Variants in CDK13 observed in about 807,000 individuals in gnomAD.
CDK13 encodes cyclin-dependent kinase 13.
In CDK13, 40 loss-of-function variants were observed where a neutral mutation model predicts 137.6. The observed-to-expected ratio is 0.29, with a 90% confidence interval of 0.23 to 0.38. The LOEUF is 0.38. Ranked by LOEUF, CDK13 falls within the 10% of genes least tolerant of loss-of-function variation. The probability of loss-of-function intolerance (pLI) is 1.00; values close to 1 mark genes in which losing one functional copy is unlikely to be tolerated. For missense variants in CDK13, 1,704 were observed against 1,951.8 expected (o/e 0.87, Z 2.39); for synonymous variants, 869 against 760.1 (o/e 1.14, Z -2.36).
Position 40,099,320 on chromosome 7 carries a change from T to G in CDK13, c.*4340T>G, listed in dbSNP as rs965999650. 7 of 152,168 alleles carry G rather than the reference T, an allele frequency of 4.6e-5. No individual in the cohort carries two copies. Among genetic ancestry groups the G allele is most frequent in the Admixed American group, 3.3e-4 (5 of 15,270 alleles). 9.4% of individuals were successfully genotyped at this position (152,168 alleles called of 1,614,324 possible). A position where few individuals can be genotyped will look rare whatever the true frequency, so the allele number is the denominator to read the frequency against. On this transcript the variant is annotated 3_prime_UTR_variant, in exon 14 of 14. Transcript: ENST00000181839. ...ACTAACAGAGTCTGCAGGTCTTAAC[T>G]CATTTCAGCCTGTCAAATGTGCAAT... is the stretch of plus-strand genomic sequence containing the variant.
chr7:40,003,184 ACACACACACACACACACACACACTCTCT>A (rs1163708274), intron 5 of CDK13, among the ~76,000 whole-genome samples: 12 of 96,154 alleles, frequency 1.2e-4, no homozygotes, highest in Admixed American at 2.2e-4. Context: ...ACACACACAC[ACACACACACACACACACACACACTCTCT>A]CTCTCTCTCT....
intron 1 of CDK13, among the ~76,000 whole-genome samples, chr7:39,979,736 A>G (rs1583937609): frequency 6.6e-6 from 1 of 152,314 alleles, no homozygotes; most frequent in East Asian, 1.9e-4. Flanking sequence ...GATTAAATTA[A>G]GTATGTTGAT....
At chr7:40,065,190 A>G (rs572019446) in intron 9 of CDK13, among the ~76,000 whole-genome samples, 177 of 152,132 alleles carry the variant, frequency 1.2e-3, no homozygotes, top group Non-Finnish European at 1.9e-3. Flanking sequence ...AAAGTTAGTT[A>G]TATATTAATA....
intron 11 of CDK13, among the ~76,000 whole-genome samples, chr7:40,084,069 T>G (rs553827685): frequency 6.6e-6 from 1 of 152,256 alleles, no homozygotes; most frequent in African/African-American, 2.4e-5. Flanking sequence ...CTGGGCACGG[T>G]GGCAGTGGCT....
intron 5 of CDK13, among the ~76,000 whole-genome samples, chr7:40,028,202 C>T (rs1785286234): frequency 6.8e-6 from 1 of 147,954 alleles, no homozygotes; most frequent in Admixed American, 6.7e-5. Context: ...CCCAGGATCT[C>T]AGATGCTTGA....
At chr7:39,990,480 C>G (rs939148727) in intron 2 of CDK13, among the ~76,000 whole-genome samples, 1 of 152,008 alleles carries the variant, frequency 6.6e-6, no homozygotes, top group Non-Finnish European at 1.5e-5. Flanking sequence ...TATTGTTTTA[C>G]TTTTTATAAA....
At chr7:40,023,371 T>C (rs1161585719) in intron 5 of CDK13, among the ~76,000 whole-genome samples, 2 of 152,132 alleles carry the variant, frequency 1.3e-5, no homozygotes, top group Non-Finnish European at 2.9e-5. Flanking sequence ...TGCAAACTTC[T>C]GATTATACAT....
intron 10 of CDK13, 118 bp from the exon 11 acceptor site, chr7:40,078,602 A>AT (rs1786596859): frequency 2.1e-6 from 1 of 470,854 alleles, no homozygotes; most frequent in African/African-American, 2.0e-5. Flanking sequence ...ATTTACAATT[A>AT]TTTTTAAATG....
chr7:39,998,449 A>G (rs1784611070), intron 3 of CDK13: 1 of 118,510 alleles, frequency 8.4e-6, no homozygotes, highest in Non-Finnish European at 1.8e-5. Context: ...CTACCAAAAA[A>G]AAAAAAAAAA....
intron 11 of CDK13, among the ~76,000 whole-genome samples, chr7:40,082,884 T>G (rs559983381): frequency 2.2e-4 from 34 of 151,400 alleles, no homozygotes; most frequent in Admixed American, 1.1e-3. Flanking sequence ...GTGGATCCCT[T>G]GAGCCCATGA....
At chr7:40,023,649 G>C (rs1291339703) in intron 5 of CDK13, among the ~76,000 whole-genome samples, 1 of 151,982 alleles carries the variant, frequency 6.6e-6, no homozygotes, top group Non-Finnish European at 1.5e-5. Context: ...GCAGGCGCCC[G>C]CCACCACGCC....
intron 5 of CDK13, among the ~76,000 whole-genome samples, chr7:40,044,444 G>A (rs979120437): frequency 3.3e-5 from 5 of 151,080 alleles, no homozygotes; most frequent in African/African-American, 9.7e-5. Flanking sequence ...TCAGTCCCCC[G>A]AGTAGCTGGG....
chr7:40,072,015 T>C (rs1786432546), intron 9 of CDK13: 1 of 152,224 alleles, frequency 6.6e-6, no homozygotes, highest in African/African-American at 2.4e-5. Flanking sequence ...CTATCATATT[T>C]TGTTGTACAG....
At chr7:39,977,157 A>G (rs1784129225) in intron 1 of CDK13, among the ~76,000 whole-genome samples, 2 of 152,188 alleles carry the variant, frequency 1.3e-5, no homozygotes. Flanking sequence ...AGCCTTGAAT[A>G]GAAGATGGAG....
intron 9 of CDK13, chr7:40,070,256 AC>A (rs1002612175): frequency 8.6e-5 from 13 of 150,962 alleles, no homozygotes; most frequent in African/African-American, 3.2e-4. Flanking sequence ...AAATAAAAAA[AC>A]AATTAGCTGA....
chr7:39,969,094 C>G (rs1406204550), intron 1 of CDK13, among the ~76,000 whole-genome samples: 1 of 152,140 alleles, frequency 6.6e-6, no homozygotes, highest in East Asian at 1.9e-4. Context: ...ACTGCAACCT[C>G]TACCTCCCAG....
At position 39,999,433 on chromosome 7, in the gene CDK13, T is replaced by C. The variant is rs1335889331; in HGVS notation, c.2115T>C (p.Phe705=). 2 of 1,613,450 alleles carry C rather than the reference T, an allele frequency of 1.2e-6. No homozygotes were observed. The highest frequency in any genetic ancestry group is 1.7e-6 in the Non-Finnish European group (2 of 1,179,572). The change falls in exon 4 of 14, where the codon TTT becomes TTC. Residue 705 remains phenylalanine (F), a synonymous_variant. Transcript: ENST00000181839. ...GGGGAAAACGCTGCGTGGATAAATTTGATATCATCGGAATTATTGGAGAAG... is the reference window on the plus strand; with the variant it reads ...GGGGAAAACGCTGCGTGGATAAATTCGATATCATCGGAATTATTGGAGAAG... ...IDWGKRCVDK[F]DIIGIIGEGT... is the part of the protein sequence containing the mutation.
At chr7:40,089,669 G>A (rs990956795) in intron 12 of CDK13, among the ~76,000 whole-genome samples, 1 of 150,278 alleles carries the variant, frequency 6.7e-6, no homozygotes, top group Non-Finnish European at 1.5e-5. Flanking sequence ...TTTAGTTGAA[G>A]TTTTATGAAA....
chr7:39,983,412 C>T (rs543956708), intron 1 of CDK13, among the ~76,000 whole-genome samples: 5 of 152,166 alleles, frequency 3.3e-5, no homozygotes, highest in Admixed American at 6.5e-5. Context: ...TGAGCAACTG[C>T]GCCCGGCCCC....
Sources: allele counts gnomAD v4.1 joint callset (sites outside exome capture counted in the v4.1 genomes callset), GRCh38; gene constraint gnomAD v4.1.1; transcripts MANE v1.5; gene names NCBI Gene and HGNC (gene_info 2026-07-23, HGNC 2026-07-21).